The following MOB4 variants were observed in gnomAD, a reference collection of about 807,000 sequenced individuals.
MOB4 encodes the protein MOB-like protein phocein.
Under a neutral mutation model 32.2 loss-of-function variants are expected in MOB4, and 4 were observed. The observed-to-expected ratio is 0.12, with a 90% confidence interval of 0.06 to 0.28. The LOEUF (loss-of-function observed/expected upper bound fraction) is 0.28, where lower values mean the gene tolerates loss of function less well. Ranked by LOEUF, MOB4 falls within the 10% of genes least tolerant of loss-of-function variation. The probability of loss-of-function intolerance (pLI) is 1.00; values close to 1 mark genes in which losing one functional copy is unlikely to be tolerated. For missense variants in MOB4, 158 were observed against 271.2 expected, an observed-to-expected ratio of 0.58 and a Z score of 2.93; for synonymous variants, 88 against 88.1, an observed-to-expected ratio of 1.00 and a Z score of 0.01.
At chr2:197,520,079 A>T (rs750610005) in intron 1 of MOB4, among the ~76,000 whole-genome samples, 2 of 152,084 alleles carry the variant, frequency 1.3e-5, no homozygotes, top group Non-Finnish European at 2.9e-5. Flanking sequence ...CTATAGTTGA[A>T]TCCTTATGGA....
At chr2:197,549,923 A>G (rs1033221364) in intron 6 of MOB4, among the ~76,000 whole-genome samples, 10 of 152,130 alleles carry the variant, frequency 6.6e-5, no homozygotes, top group Non-Finnish European at 2.9e-5. Flanking sequence ...AAATAAAACA[A>G]TAATTCCTTT....
intron 3 of MOB4, among the ~76,000 whole-genome samples, chr2:197,536,938 C>T (rs887110011): frequency 6.6e-6 from 1 of 151,756 alleles, no homozygotes; most frequent in Non-Finnish European, 1.5e-5. Context: ...TGGGGTCTCA[C>T]TGTGTTGCCC....
intron 3 of MOB4, among the ~76,000 whole-genome samples, chr2:197,537,804 C>T (rs1389603048): frequency 4.6e-5 from 7 of 152,032 alleles, no homozygotes; most frequent in Non-Finnish European, 7.4e-5. Flanking sequence ...ACAAGAGTCT[C>T]GAGTCTCGCT....
intron 5 of MOB4, among the ~76,000 whole-genome samples, chr2:197,546,353 G>T (rs887939039): frequency 1.3e-5 from 2 of 150,344 alleles, no homozygotes; most frequent in African/African-American, 4.9e-5. Context: ...GAGCCACTGC[G>T]CCCGGCCTCA....
At chr2:197,541,043 G>C (rs1374727661) in intron 5 of MOB4, among the ~76,000 whole-genome samples, 1 of 151,834 alleles carries the variant, frequency 6.6e-6, no homozygotes, top group East Asian at 1.9e-4. Context: ...TGAGATTACA[G>C]GCATGCGCTA....
intron 1 of MOB4, among the ~76,000 whole-genome samples, 188 bp from the exon 2 acceptor site, chr2:197,523,435 TG>T (rs1045853338): frequency 1.3e-5 from 2 of 152,238 alleles, no homozygotes; most frequent in African/African-American, 4.8e-5. Flanking sequence ...CACACAAGCA[TG>T]GGCTGCAGAG....
chr2:197,549,283 A>G (rs1356671199), intron 6 of MOB4, among the ~76,000 whole-genome samples: 2 of 152,058 alleles, frequency 1.3e-5, no homozygotes, highest in African/African-American at 4.8e-5. Context: ...ATCCTTGCTC[A>G]TTGATTTTTA....
chr2:197,540,626 A>G (rs1157260896), intron 5 of MOB4, among the ~76,000 whole-genome samples, 189 bp downstream of exon 5: 1 of 152,180 alleles, frequency 6.6e-6, no homozygotes, highest in East Asian at 1.9e-4. Flanking sequence ...CATTTTTCAT[A>G]ATTGGGCAAT....
chr2:197,544,530 G>A (rs2086957563), intron 5 of MOB4, among the ~76,000 whole-genome samples: 1 of 152,162 alleles, frequency 6.6e-6, no homozygotes, highest in South Asian at 2.1e-4. Context: ...AAGGCGGGCG[G>A]ATCACGAGGT....
intron 3 of MOB4, among the ~76,000 whole-genome samples, chr2:197,536,138 A>G (rs981726840): frequency 2.0e-5 from 3 of 151,608 alleles, no homozygotes; most frequent in African/African-American, 7.3e-5. Flanking sequence ...GATTCAAGCA[A>G]TTTTCCTACC....
intron 2 of MOB4, among the ~76,000 whole-genome samples, chr2:197,533,033 A>C (rs1260775092): frequency 6.6e-6 from 1 of 152,104 alleles, no homozygotes; most frequent in African/African-American, 2.4e-5. Flanking sequence ...CGGAAGGCAG[A>C]GGTTGTAGTG....
intron 2 of MOB4, among the ~76,000 whole-genome samples, chr2:197,531,045 TTA>T (rs2086692699): frequency 6.7e-6 from 1 of 150,246 alleles, no homozygotes; most frequent in Non-Finnish European, 1.5e-5. Flanking sequence ...ATTTTTATTT[TTA>T]TTTTTATTTT....
At chr2:197,527,244 C>T (rs1451177336) in intron 2 of MOB4, among the ~76,000 whole-genome samples, 1 of 152,104 alleles carries the variant, frequency 6.6e-6, no homozygotes, top group Non-Finnish European at 1.5e-5. Flanking sequence ...GTAGCATTGA[C>T]ATCTTAACGA....
intron 6 of MOB4, among the ~76,000 whole-genome samples, chr2:197,548,824 A>G (rs2106139744): frequency 1.3e-5 from 2 of 152,252 alleles, no homozygotes; most frequent in South Asian, 4.1e-4. Flanking sequence ...CATATATGTC[A>G]TTCTGCAGAG....
At chr2:197,515,839 C>G, upstream of MOB4, 1 of 534,804 alleles carries the variant, frequency 1.9e-6, no homozygotes, top group Admixed American at 3.7e-5. Context: ...CGCAAAGAGG[C>G]TCGTGGCGCC....
intron 2 of MOB4, among the ~76,000 whole-genome samples, chr2:197,530,635 G>T (rs1037935589): frequency 6.7e-5 from 10 of 148,376 alleles, no homozygotes; most frequent in Non-Finnish European, 1.5e-4. Context: ...TTTTTTCTTT[G>T]TTTTTTTTGA....
At chr2:197,524,547 A>C (rs1252122751) in intron 2 of MOB4, among the ~76,000 whole-genome samples, 2 of 143,320 alleles carry the variant, frequency 1.4e-5, no homozygotes, top group East Asian at 4.0e-4. Context: ...AAAAAAAAAA[A>C]CAAAAACAAA....
rs952891354 is a variant in MOB4, at chr2:197,545,553, C to T, written c.355-2783C>T. 6.6e-5 allele frequency among the ~76,000 whole-genome samples: 10 copies of T among 152,096 alleles called. No individual in the cohort carries two copies. The South Asian group carries it at 1.2e-3, about 19-fold the overall frequency. On this transcript the variant is annotated intron_variant, in intron 5 of 7. Transcript: ENST00000323303. ...GTCTTAAAGGGAGAAACATACAGTA[C>T]GGCATTTTGTATATATTAAAAACAT...
rs115471902 is a variant in MOB4, at chr2:197,519,373, C to T, written c.60+3227C>T. ...ATCATTGGTGTCCTCTGGGGATTGGCTCCAGGATAACTCCGTACCCCCACC... is the reference window on the plus strand; with the variant it reads ...ATCATTGGTGTCCTCTGGGGATTGGTTCCAGGATAACTCCGTACCCCCACC... On this transcript the variant is annotated intron_variant, in intron 1 of 7. Transcript: ENST00000323303. Among the ~76,000 whole-genome samples, 221 of 152,294 alleles carry T rather than the reference C, an allele frequency of 1.5e-3. 1 individual carries two copies. The highest frequency in any genetic ancestry group is 4.8e-3 in the African/African-American group (201 of 41,560).
Sources: allele counts gnomAD v4.1 joint callset (sites outside exome capture counted in the v4.1 genomes callset), GRCh38; gene constraint gnomAD v4.1.1; transcripts MANE v1.5; gene names NCBI Gene and HGNC (gene_info 2026-07-23, HGNC 2026-07-21).